Variants in HECTD2 observed in about 807,000 individuals in gnomAD.
HECTD2 encodes probable E3 ubiquitin-protein ligase HECTD2.
A neutral mutation model predicts 103.2 loss-of-function variants in HECTD2; 35 were observed. The ratio of observed to expected loss-of-function variants is 0.34; its 90% CI spans 0.26 to 0.45. The LOEUF (loss-of-function observed/expected upper bound fraction) is 0.45. Ranked by LOEUF, HECTD2 falls within the 20% of genes least tolerant of loss-of-function variation. The pLI is 1.00. For missense variants in HECTD2, 596 were observed against 937.4 expected (o/e 0.64, Z 4.76); for synonymous variants, 281 against 329.9 (o/e 0.85, Z 1.61).
At position 91,487,717 on chromosome 10, in the gene HECTD2, T is replaced by C; in HGVS notation, c.1130T>C (p.Val377Ala). 2 of 1,612,380 alleles carry C rather than the reference T, an allele frequency of 1.2e-6. No individual in the cohort carries two copies. The highest frequency in any genetic ancestry group is 1.7e-6 in the Non-Finnish European group (2 of 1,178,840). Reference protein sequence around the residue: ...SFCQYPFVISVAAKKIIIQRD... With the variant: ...SFCQYPFVISAAAKKIIIQRD... ...TGTCAGTACCCATTCGTTATTTCTG[T>C]AGCTGCAAAAAAAATCATTATTCAG... The change falls in exon 11 of 21, where the codon GTA becomes GCA. Residue 377 changes from valine to alanine, a missense_variant. Physicochemically the swap from Val to Ala is moderately conservative, Grantham distance 64. Transcript: ENST00000298068. The surrounding 1 kb of genome is among the most constrained non-coding windows in gnomAD (Gnocchi z 4.1).
chr10:91,427,937 A>C (rs1843644849), intron 2 of HECTD2, among the ~76,000 whole-genome samples: 1 of 151,764 alleles, frequency 6.6e-6, no homozygotes. Flanking sequence ...TGTTTTAGAC[A>C]TGAAGTCCTT....
At chr10:91,436,175 A>AT (rs1844109733) in intron 2 of HECTD2, among the ~76,000 whole-genome samples, 1 of 151,806 alleles carries the variant, frequency 6.6e-6, no homozygotes, top group African/African-American at 2.4e-5. Flanking sequence ...TGTCCTCCAT[A>AT]TTGGAGGCTG....
At chr10:91,444,284 G>C (rs952777231) in intron 2 of HECTD2, among the ~76,000 whole-genome samples, 2 of 152,158 alleles carry the variant, frequency 1.3e-5, no homozygotes, top group Admixed American at 6.5e-5. Context: ...TTAATACCAT[G>C]TTGAGGTGGA....
chr10:91,501,626 A>C (rs981353193), intron 20 of HECTD2, among the ~76,000 whole-genome samples: 3 of 152,096 alleles, frequency 2.0e-5, no homozygotes, highest in Non-Finnish European at 4.4e-5. Context: ...AGATTGTCTA[A>C]TGTTCATTTT....
chr10:91,443,857 C>T (rs1036163083), intron 2 of HECTD2, among the ~76,000 whole-genome samples: 1 of 152,140 alleles, frequency 6.6e-6, no homozygotes, highest in Non-Finnish European at 1.5e-5. Context: ...AATTTTATAT[C>T]CTTTATTAAA....
intron 20 of HECTD2, among the ~76,000 whole-genome samples, chr10:91,509,565 G>A (rs751857241): frequency 6.6e-6 from 1 of 152,064 alleles, no homozygotes; most frequent in African/African-American, 2.4e-5. Flanking sequence ...TAAAGAAAAT[G>A]TGGTACATAT....
chr10:91,411,069 C>G (rs1403552742), intron 1 of HECTD2, among the ~76,000 whole-genome samples: 2 of 152,120 alleles, frequency 1.3e-5, no homozygotes, highest in Non-Finnish European at 2.9e-5. Flanking sequence ...GTGACCTTTC[C>G]GTTGCTGTCA....
At chr10:91,507,452 A>G (rs947207082) in intron 20 of HECTD2, among the ~76,000 whole-genome samples, 9 of 152,238 alleles carry the variant, frequency 5.9e-5, no homozygotes, top group African/African-American at 1.2e-4. Context: ...TCAGTGTGCA[A>G]AAATCACAAG....
intron 7 of HECTD2, among the ~76,000 whole-genome samples, 194 bp downstream of exon 7, chr10:91,481,333 AAAGT>A (rs1435631163): frequency 6.6e-6 from 1 of 151,904 alleles, no homozygotes; most frequent in Non-Finnish European, 1.5e-5. Flanking sequence ...AAGATTTTAA[AAAGT>A]AAGAAAAATA....
At chr10:91,422,038 C>T (rs1007840018) in intron 1 of HECTD2, among the ~76,000 whole-genome samples, 2 of 152,092 alleles carry the variant, frequency 1.3e-5, no homozygotes, top group African/African-American at 4.8e-5. Context: ...TCCAGTATTT[C>T]TGCCCTTTAT....
At chr10:91,443,778 A>G (rs568067866) in intron 2 of HECTD2, among the ~76,000 whole-genome samples, 1 of 152,208 alleles carries the variant, frequency 6.6e-6, no homozygotes, top group Non-Finnish European at 1.5e-5. Context: ...ACACTCTTCC[A>G]TGGTTTTAAA....
intron 1 of HECTD2, among the ~76,000 whole-genome samples, chr10:91,419,041 G>C (rs1201735682): frequency 6.6e-6 from 1 of 152,108 alleles, no homozygotes; most frequent in Non-Finnish European, 1.5e-5. Context: ...GAAACTCTAA[G>C]ATAGTGAGAT....
At chr10:91,458,059 A>C (rs1845187538) in intron 2 of HECTD2, among the ~76,000 whole-genome samples, 1 of 151,548 alleles carries the variant, frequency 6.6e-6, no homozygotes, top group South Asian at 2.1e-4. Flanking sequence ...TCAAAAAAAA[A>C]CCTTCCTAGA....
In HECTD2 at chr10:91,512,483, A is replaced by G. The variant is rs1478574331; in HGVS notation, c.*99A>G. On this transcript the variant is annotated 3_prime_UTR_variant, in exon 21 of 21. Coordinates refer to ENST00000298068, the MANE Select transcript of HECTD2 (RefSeq NM_182765.6). ...GTTTCTGTCTCAAAACACTTTGACA[A>G]AGCTCACCAACTTTAAAATATTAAG... is the stretch of plus-strand genomic sequence containing the variant. The G allele has an allele frequency of 9.3e-7, 1 of 1,074,268 alleles. No individual in the cohort carries two copies. The highest frequency in any genetic ancestry group is 2.3e-5 in the Admixed American group (1 of 44,396). 66.5% of individuals were successfully genotyped at this position (1,074,268 alleles called of 1,614,324 possible). A position where few individuals can be genotyped will look rare whatever the true frequency, so the allele number is the denominator to read the frequency against.
intron 14 of HECTD2, among the ~76,000 whole-genome samples, 168 bp from the exon 15 acceptor site, chr10:91,496,037 TTATATTATG>T (rs1846651361): frequency 6.6e-6 from 1 of 152,100 alleles, no homozygotes; most frequent in South Asian, 2.1e-4. Context: ...AATCAAGGAA[TTATATTATG>T]TAAAATAAAG....
intron 8 of HECTD2, chr10:91,484,214 C>G: frequency 1.6e-6 from 1 of 622,878 alleles, no homozygotes; most frequent in South Asian, 2.2e-5. Context: ...TAAATTTTAC[C>G]AAGTAGGCAA....
intron 2 of HECTD2, among the ~76,000 whole-genome samples, chr10:91,431,961 A>T (rs1205349210): frequency 6.6e-6 from 1 of 151,768 alleles, no homozygotes; most frequent in Admixed American, 6.6e-5. Flanking sequence ...AATGACTCTG[A>T]CTCGATGAGT....
intron 2 of HECTD2, among the ~76,000 whole-genome samples, chr10:91,445,853 C>A (rs144224897): frequency 1.3e-5 from 2 of 152,176 alleles, no homozygotes; most frequent in Non-Finnish European, 2.9e-5. Flanking sequence ...GCACTCCGGC[C>A]CAGATACTAC....
chr10:91,463,997 T>A (rs549176093), intron 5 of HECTD2, among the ~76,000 whole-genome samples: 2 of 152,234 alleles, frequency 1.3e-5, no homozygotes, highest in East Asian at 3.9e-4. Flanking sequence ...ATTTAAGTCG[T>A]TTTTTGCAAA....
Sources: allele counts gnomAD v4.1 joint callset (sites outside exome capture counted in the v4.1 genomes callset), GRCh38; gene constraint gnomAD v4.1.1; non-coding constraint Gnocchi (gnomAD v3.1); transcripts MANE v1.5; gene names NCBI Gene and HGNC (gene_info 2026-07-23, HGNC 2026-07-21).